The following ANKRD27 variants were observed in gnomAD, a reference collection of about 807,000 sequenced individuals.
ANKRD27 encodes ankyrin repeat domain-containing protein 27.
ANKRD27 carries 112 observed loss-of-function variants against 129.7 expected under a neutral mutation model. That is an observed-to-expected ratio of 0.86 (90% CI 0.74 to 1.01). The LOEUF (loss-of-function observed/expected upper bound fraction) is 1.01, where lower values mean the gene tolerates loss of function less well. ANKRD27 is among the 50% of genes least tolerant of loss of function. The pLI is 0.00. For synonymous variants in ANKRD27, 516 were observed against 511.2 expected (o/e 1.01, Z -0.13); for missense variants, 1,258 against 1,300.5 (o/e 0.97, Z 0.50).
intron 1 of ANKRD27, among the ~76,000 whole-genome samples, chr19:32,663,899 A>C (rs1285722939): frequency 6.6e-6 from 1 of 151,460 alleles, no homozygotes; most frequent in African/African-American, 2.4e-5. Context: ...TACTAAAAAT[A>C]CAAAAAATTA....
intron 1 of ANKRD27, chr19:32,666,307 A>AT (rs1967753770): frequency 6.6e-6 from 1 of 152,252 alleles, no homozygotes; most frequent in Admixed American, 6.5e-5. Context: ...TACAGATAAA[A>AT]TAAGAATCAG....
chr19:32,630,456 A>T (rs918334586), intron 13 of ANKRD27, among the ~76,000 whole-genome samples: 4 of 152,216 alleles, frequency 2.6e-5, no homozygotes, highest in Non-Finnish European at 4.4e-5. Flanking sequence ...ACACGCCCAT[A>T]AACATCTGAC....
chr19:32,670,802 G>A (rs562577923), intron 1 of ANKRD27, among the ~76,000 whole-genome samples: 2 of 152,096 alleles, frequency 1.3e-5, no homozygotes, highest in East Asian at 3.9e-4. Context: ...GACCAGCCTG[G>A]CCAACATGGT....
At chr19:32,637,695 C>T (rs1448848211) in intron 12 of ANKRD27, 1 of 152,322 alleles carries the variant, frequency 6.6e-6, no homozygotes, top group Non-Finnish European at 1.5e-5. Flanking sequence ...GCCGCCCAGC[C>T]GCAGCTCTGG....
chr19:32,660,464 G>A (rs1267314996), intron 1 of ANKRD27, among the ~76,000 whole-genome samples: 1 of 152,182 alleles, frequency 6.6e-6, no homozygotes, highest in Non-Finnish European at 1.5e-5. Context: ...GTTGCAGTGA[G>A]CAGAGATCAC....
At chr19:32,628,949 C>CT (rs1294465980) in intron 13 of ANKRD27, 100 bp from the exon 14 acceptor site, 13 of 1,362,354 alleles carry the variant, frequency 9.5e-6, no homozygotes, top group Non-Finnish European at 1.2e-5. Flanking sequence ...GAGATGGAGT[C>CT]TCGTCCTGTC....
intron 17 of ANKRD27, among the ~76,000 whole-genome samples, chr19:32,625,563 T>C (rs1460314852): frequency 6.6e-6 from 1 of 151,808 alleles, no homozygotes; most frequent in East Asian, 1.9e-4. Flanking sequence ...CCTGAGTCGC[T>C]GGGATTACAG....
chr19:32,634,733 T>C (rs1322740119), intron 12 of ANKRD27, among the ~76,000 whole-genome samples: 2 of 152,032 alleles, frequency 1.3e-5, no homozygotes, highest in African/African-American at 2.4e-5. Flanking sequence ...CCAGCCAACA[T>C]GGCAAAATCC....
At chr19:32,633,202 G>T (rs1485630132) in intron 12 of ANKRD27, among the ~76,000 whole-genome samples, 1 of 152,058 alleles carries the variant, frequency 6.6e-6, no homozygotes, top group African/African-American at 2.4e-5. Context: ...GAAGAGAGGG[G>T]GTATCAGCAA....
intron 22 of ANKRD27, among the ~76,000 whole-genome samples, chr19:32,610,702 G>C (rs576999681): frequency 6.6e-6 from 1 of 152,154 alleles, no homozygotes; most frequent in South Asian, 2.1e-4. Context: ...TGAGGCAGAA[G>C]AATGTCTTGA....
chr19:32,607,142 CT>C (rs1971755509), intron 23 of ANKRD27, among the ~76,000 whole-genome samples: 3 of 48,594 alleles, frequency 6.2e-5, no homozygotes, highest in African/African-American at 2.0e-4. Flanking sequence ...AAGGTGATGT[CT>C]TAAAAAAAAA....
At chr19:32,650,151 A>G (rs1211108817) in intron 2 of ANKRD27, among the ~76,000 whole-genome samples, 3 of 152,174 alleles carry the variant, frequency 2.0e-5, no homozygotes, top group African/African-American at 7.2e-5. Context: ...TCTTAACAGC[A>G]CAGTTATAAG....
intron 13 of ANKRD27, among the ~76,000 whole-genome samples, chr19:32,629,629 G>C (rs974467523): frequency 6.6e-6 from 1 of 152,132 alleles, no homozygotes; most frequent in Non-Finnish European, 1.5e-5. Flanking sequence ...GAACCCGGGA[G>C]ATGGAGGTTG....
chr19:32,651,048 T>C (rs1293339534), intron 2 of ANKRD27, among the ~76,000 whole-genome samples: 1 of 152,130 alleles, frequency 6.6e-6, no homozygotes, highest in African/African-American at 2.4e-5. Context: ...CCTGGTCCAT[T>C]GTATTATTCT....
chr19:32,624,823 C>A (rs1254373694), intron 17 of ANKRD27, among the ~76,000 whole-genome samples: 6 of 151,748 alleles, frequency 4.0e-5, no homozygotes, highest in Non-Finnish European at 8.8e-5. Context: ...ACCTTTAGTC[C>A]CAGGGGAAGC....
At chr19:32,667,780 C>T (rs1234290759) in intron 1 of ANKRD27, among the ~76,000 whole-genome samples, 1 of 143,068 alleles carries the variant, frequency 7.0e-6, no homozygotes, top group Non-Finnish European at 1.5e-5. Context: ...TGCAGTAAGC[C>T]GAGATCATGC....
rs548795515 is a variant in ANKRD27, at chr19:32,639,237, T to C, written c.1116+119A>G. On this transcript the variant is annotated intron_variant, in intron 12 of 28. Coordinates refer to ENST00000306065, the MANE Select transcript of ANKRD27 (RefSeq NM_032139.3). ...TTAAGACTCACAGCCCTCAAACAGC[T>C]GAGGCCCCATTCCTGGGAGGCAATT... 33 of 1,232,668 alleles carry C rather than the reference T, an allele frequency of 2.7e-5. No individual in the cohort carries two copies. In the East Asian group the frequency reaches 7.1e-4, roughly 26 times the overall value. 76.4% of individuals were successfully genotyped at this position (1,232,668 alleles called of 1,614,324 possible).
In ANKRD27 at chr19:32,649,615, C is replaced by T; in HGVS notation, c.213+67G>A. On this transcript the variant is annotated intron_variant, in intron 3 of 28. Coordinates refer to ENST00000306065, the MANE Select transcript of ANKRD27 (RefSeq NM_032139.3). ...GCTGTGAAAGGCTGAGAACGGGACT[C>T]TCTTCCTCCCCTCTGGCCCCAAACA... 3.7e-6 allele frequency: 4 copies of T among 1,088,676 alleles called. No individual in the cohort carries two copies. The South Asian group carries it at 5.0e-5, about 14-fold the overall frequency. 67.4% of individuals were successfully genotyped at this position (1,088,676 alleles called of 1,614,324 possible). A position where few individuals can be genotyped will look rare whatever the true frequency, so the allele number is the denominator to read the frequency against.
chr19:32,610,155 C>A (rs2145264420), intron 22 of ANKRD27, among the ~76,000 whole-genome samples: 1 of 152,166 alleles, frequency 6.6e-6, no homozygotes, highest in Non-Finnish European at 1.5e-5. Flanking sequence ...ACTAAAAATA[C>A]AAAAATTAGC....
Sources: gnomAD v4.1 joint callset for allele counts (sites outside exome capture counted in the v4.1 genomes callset) on GRCh38, gnomAD v4.1.1 for gene constraint, MANE v1.5 for transcripts, NCBI Gene and HGNC (gene_info 2026-07-23, HGNC 2026-07-21) for gene names.